The following PDRG1 variants were observed in gnomAD, a reference collection of about 807,000 sequenced individuals.
PDRG1 encodes the protein p53 and DNA damage regulated 1.
A neutral mutation model predicts 18.4 loss-of-function variants in PDRG1; 14 were observed. That is an observed-to-expected ratio of 0.76 (90% CI 0.50 to 1.19). The LOEUF is 1.19. Among genes scored for constraint, PDRG1 ranks in the 50% most tolerant of loss-of-function variants. PDRG1 has a pLI of 0.00. For missense variants in PDRG1, 177 were observed against 160.1 expected (o/e 1.11, Z -0.57); for synonymous variants, 65 against 60.9 (o/e 1.07, Z -0.31).
chr20:31,950,102 G>A (rs2064342919), intron 2 of PDRG1, among the ~76,000 whole-genome samples: 1 of 152,200 alleles, frequency 6.6e-6, no homozygotes. Flanking sequence ...CTAACGACCT[G>A]TCACTGAAGT....
chr20:31,945,741 G>C lies in PDRG1; in HGVS notation c.*66C>G. 1 of 1,339,320 alleles carries C rather than the reference G, an allele frequency of 7.5e-7. No homozygotes were observed. Among genetic ancestry groups the C allele is most frequent in the Admixed American group, 1.9e-5 (1 of 53,316 alleles). The allele number at this position is 1,339,320 out of a possible 1,614,324, so 83.0% of individuals were successfully genotyped here. A position where few individuals can be genotyped will look rare whatever the true frequency, so the allele number is the denominator to read the frequency against. ...AGATCCTGTCCTTACAGGTGTCAAG[G>C]TTGGAGGGTCCTGGGTCCTCCATGA... On this transcript the variant is annotated 3_prime_UTR_variant, in exon 5 of 5. Coordinates refer to ENST00000202017, the MANE Select transcript of PDRG1 (RefSeq NM_030815.3).
In PDRG1 at chr20:31,945,733, G is replaced by A; in HGVS notation, c.*74C>T. 2 of 1,207,508 alleles carry A rather than the reference G, an allele frequency of 1.7e-6. No individual in the cohort carries two copies. The highest frequency in any genetic ancestry group is 2.6e-5 in the South Asian group (2 of 77,324). 74.8% of individuals were successfully genotyped at this position (1,207,508 alleles called of 1,614,324 possible). On this transcript the variant is annotated 3_prime_UTR_variant, in exon 5 of 5. Coordinates refer to ENST00000202017, the MANE Select transcript of PDRG1 (RefSeq NM_030815.3). The stretch of plus-strand genomic sequence containing the variant: ...TACAGGGCAGATCCTGTCCTTACAG[G>A]TGTCAAGGTTGGAGGGTCCTGGGTC...
rs994705697 is a variant in PDRG1, at chr20:31,944,392, T to C, written c.*1415A>G. 6.4e-6 allele frequency: 1 copy of C among 155,212 alleles called. No individual in the cohort carries two copies. The highest frequency in any genetic ancestry group is 1.4e-5 in the Non-Finnish European group (1 of 69,806). 9.6% of individuals were successfully genotyped at this position (155,212 alleles called of 1,614,324 possible). On this transcript the variant is annotated 3_prime_UTR_variant, in exon 5 of 5. Coordinates refer to ENST00000202017, the MANE Select transcript of PDRG1 (RefSeq NM_030815.3). The stretch of plus-strand genomic sequence containing the variant: ...TTACATTTTAAAATAAGCAATATAT[T>C]CATACGGTTTAAAATCCAAAGTTTA...
chr20:31,948,938 GC>G, intron 2 of PDRG1, 56 bp from the exon 3 acceptor site: 1 of 1,515,754 alleles, frequency 6.6e-7, no homozygotes, highest in South Asian at 1.1e-5. Flanking sequence ...CCTATTATCT[GC>G]CAGGCATTGT....
chr20:31,947,759 A>G (rs1329145309), intron 3 of PDRG1, among the ~76,000 whole-genome samples: 1 of 152,174 alleles, frequency 6.6e-6, no homozygotes, highest in Non-Finnish European at 1.5e-5. Context: ...GCATGATGGC[A>G]TGCACCTATA....
chr20:31,951,208 T>C (rs2123681966), intron 1 of PDRG1, among the ~76,000 whole-genome samples: 1 of 152,250 alleles, frequency 6.6e-6, no homozygotes, highest in Middle Eastern at 3.4e-3. Flanking sequence ...CCGGCTCCAC[T>C]ACCACGGCCT....
chr20:31,950,338 G>A lies in PDRG1; in HGVS notation c.137C>T (p.Ala46Val). The part of the protein sequence containing the change: ...KRNQNREGLR[A>V]LQKDLSLSED... ...AGAGAGGCTGAGATCCTTCTGCAGG[G>A]CCCTCAGGCCCTCTCGATTCTGATT... Residue 46 changes from alanine (A) to valine (V), a missense_variant, in exon 2 of 5, where the codon GCC (alanine) becomes GTC (valine). Coordinates refer to ENST00000202017, the MANE Select transcript of PDRG1 (RefSeq NM_030815.3). 6.2e-7 allele frequency: 1 copy of A among 1,612,362 alleles called. No homozygotes were observed. The highest frequency in any genetic ancestry group is 8.5e-7 in the Non-Finnish European group (1 of 1,178,368).
At chr20:31,951,818 G>A in intron 1 of PDRG1, 57 bp downstream of exon 1, 1 of 1,509,730 alleles carries the variant, frequency 6.6e-7, no homozygotes, top group Non-Finnish European at 8.9e-7. Flanking sequence ...CTGCGACCCC[G>A]CGCGCTTTCC....
At position 31,946,593 on chromosome 20, in the gene PDRG1, G is replaced by A. The variant is rs766967856; in HGVS notation, c.239-17C>T. On this transcript the variant is annotated splice_polypyrimidine_tract_variant and intron_variant, in intron 3 of 4. Coordinates refer to ENST00000202017, the MANE Select transcript of PDRG1 (RefSeq NM_030815.3). ...GATCTTGATCTGAAAAAATGAGGGG[G>A]GCAAGCAGAGGATAAGATTGTACCA... 6.3e-7 allele frequency: 1 copy of A among 1,586,222 alleles called. No homozygotes were observed. The highest frequency in any genetic ancestry group is 8.7e-7 in the Non-Finnish European group (1 of 1,155,418).
chr20:31,951,819 C>A (rs1600647289), intron 1 of PDRG1, 56 bp downstream of exon 1: 3 of 1,511,456 alleles, frequency 2.0e-6, no homozygotes, highest in Non-Finnish European at 2.7e-6. Context: ...TGCGACCCCG[C>A]GCGCTTTCCC....
intron 3 of PDRG1, 106 bp from the exon 4 acceptor site, chr20:31,946,682 G>A: frequency 1.0e-6 from 1 of 1,001,832 alleles, no homozygotes; most frequent in East Asian, 2.4e-5. Flanking sequence ...TAGCTTTCAG[G>A]AAGGAAAAGG....
chr20:31,951,520 C>T (rs1246969174), intron 1 of PDRG1, among the ~76,000 whole-genome samples: 1 of 152,158 alleles, frequency 6.6e-6, no homozygotes, highest in African/African-American at 2.4e-5. Flanking sequence ...TGCCCGGTCA[C>T]AAGGCCCCCT....
chr20:31,948,508 A>G (rs992104094), intron 3 of PDRG1, among the ~76,000 whole-genome samples: 1 of 152,210 alleles, frequency 6.6e-6, no homozygotes, highest in African/African-American at 2.4e-5. Flanking sequence ...CTTAAGCCTC[A>G]ATTTGTTGGG....
At position 31,951,882 on chromosome 20, in the gene PDRG1, T is replaced by C; in HGVS notation, c.80A>G (p.Lys27Arg). 6.3e-7 allele frequency: 1 copy of C among 1,585,518 alleles called. No homozygotes were observed. The highest frequency in any genetic ancestry group is 1.1e-5 in the South Asian group (1 of 86,978). Residue 27 changes from lysine to arginine, a missense_variant, in exon 1 of 5, where the codon AAG becomes AGG. By Grantham distance (26) the Lys-to-Arg change is conservative (BLOSUM62 2). Coordinates refer to ENST00000202017, the MANE Select transcript of PDRG1 (RefSeq NM_030815.3). ...EELAEEVLAD[K>R]RQIVDLDTKR... ...CGCGGAGGGGCCTCTCACCTGCCGC[T>C]TGTCCGCCAGCACCTCCTCGGCGAG...
chr20:31,947,342 A>G (rs1296119112), intron 3 of PDRG1, among the ~76,000 whole-genome samples: 1 of 152,228 alleles, frequency 6.6e-6, no homozygotes, highest in Non-Finnish European at 1.5e-5. Flanking sequence ...CCCAATGTCC[A>G]TGAGCTTGTT....
chr20:31,947,956 C>T (rs998794096), intron 3 of PDRG1, among the ~76,000 whole-genome samples: 6 of 152,066 alleles, frequency 3.9e-5, no homozygotes, highest in African/African-American at 1.2e-4. Context: ...ACTGAGGCAA[C>T]CTTGCTTGTC....
chr20:31,946,497 T>C lies in PDRG1; in HGVS notation c.318A>G (p.Gln106=). 2 of 1,602,868 alleles carry C rather than the reference T, an allele frequency of 1.2e-6. No homozygotes were observed. The highest frequency in any genetic ancestry group is 4.5e-5 in the East Asian group (2 of 44,824). ...KVKVNRLFEA[Q]GKPELKGFNL... is the part of the protein sequence containing the mutation. ...CTCCAGTCCCTGCTAAGCCAATACC[T>C]TGGGCCTCAAAAAGGCGGTTGACCT... is the stretch of plus-strand genomic sequence containing the variant. Residue 106 remains glutamine, a splice_region_variant and synonymous_variant, in exon 4 of 5, where the codon CAA becomes CAG. Transcript: ENST00000202017.
chr20:31,950,370 A>G lies in PDRG1; in HGVS notation c.105T>C (p.Thr35=). 6.2e-7 allele frequency: 1 copy of G among 1,612,524 alleles called. No individual in the cohort carries two copies. The highest frequency in any genetic ancestry group is 8.5e-7 in the Non-Finnish European group (1 of 1,178,506). Residue 35 remains threonine, a synonymous_variant, in exon 2 of 5, where the codon ACT becomes ACC. Transcript: ENST00000202017. ...GGCCCTCTCGATTCTGATTCCTTTT[A>G]GTGTCCAGGTCCACAATCTGAAAAC... ...ADKRQIVDLD[T]KRNQNREGLR... is the part of the protein sequence containing the mutation.
At position 31,946,495 on chromosome 20, in the gene PDRG1, C is replaced by G; in HGVS notation, c.319+1G>C. 1 of 1,601,594 alleles carries G rather than the reference C, an allele frequency of 6.2e-7. No individual in the cohort carries two copies. Among genetic ancestry groups the G allele is most frequent in the Non-Finnish European group, 8.6e-7 (1 of 1,168,656 alleles). On this transcript the variant is annotated splice_donor_variant, in intron 4 of 4. Transcript: ENST00000202017. LOFTEE classifies it high-confidence loss of function. Reference sequence around the variant, plus strand: ...ATCTCCAGTCCCTGCTAAGCCAATACCTTGGGCCTCAAAAAGGCGGTTGAC... The same window carrying G: ...ATCTCCAGTCCCTGCTAAGCCAATAGCTTGGGCCTCAAAAAGGCGGTTGAC...
Sources: allele counts gnomAD v4.1 joint callset (sites outside exome capture counted in the v4.1 genomes callset), GRCh38; gene constraint gnomAD v4.1.1; transcripts MANE v1.5; gene names NCBI Gene and HGNC (gene_info 2026-07-23, HGNC 2026-07-21).